The following MGA variants were observed in gnomAD, a reference collection of about 807,000 sequenced individuals.
MGA encodes MAX gene-associated protein.
Under a neutral mutation model 261.1 loss-of-function variants are expected in MGA, and 40 were observed. The observed-to-expected ratio is 0.15, with a 90% CI of 0.12 to 0.20. The LOEUF (loss-of-function observed/expected upper bound fraction) is 0.20, where lower values mean the gene tolerates loss of function less well. MGA is among the 10% of genes least tolerant of loss of function. MGA has a pLI of 1.00. For synonymous variants in MGA, 1,302 were observed against 1,290.6 expected, an observed-to-expected ratio of 1.01 and a Z score of -0.19; for missense variants, 3,397 against 3,630.5, an observed-to-expected ratio of 0.94 and a Z score of 1.65.
At chr15:41,703,251 C>T (rs2059937264) in intron 5 of MGA, among the ~76,000 whole-genome samples, 2 of 151,928 alleles carry the variant, frequency 1.3e-5, no homozygotes, top group South Asian at 4.1e-4. Context: ...AGATGTCCCT[C>T]AGTTGAGACT....
At chr15:41,721,257 C>A (rs1193937303) in intron 9 of MGA, among the ~76,000 whole-genome samples, 1 of 152,132 alleles carries the variant, frequency 6.6e-6, no homozygotes, top group Admixed American at 6.5e-5. Context: ...TACTTGTGGT[C>A]AGGAATTCGA....
intron 10 of MGA, 37 bp downstream of exon 10, chr15:41,727,443 A>T: frequency 6.4e-7 from 1 of 1,572,198 alleles, no homozygotes; most frequent in Non-Finnish European, 8.7e-7. Flanking sequence ...ACAAGTTACC[A>T]AAGTCATGTG....
chr15:41,712,200 G>T (rs2060419727), intron 8 of MGA, among the ~76,000 whole-genome samples: 1 of 152,000 alleles, frequency 6.6e-6, no homozygotes, highest in African/African-American at 2.4e-5. Context: ...GCAGCCTCTG[G>T]TGCATGTGAA....
intron 15 of MGA, among the ~76,000 whole-genome samples, chr15:41,744,715 G>C (rs891379398): frequency 1.3e-5 from 2 of 152,118 alleles, no homozygotes; most frequent in Non-Finnish European, 2.9e-5. Flanking sequence ...ATTCTTTCAT[G>C]AAACAATATA....
intron 1 of MGA, among the ~76,000 whole-genome samples, chr15:41,651,794 CT>C (rs2057062862): frequency 1.1e-4 from 1 of 9,392 alleles, no homozygotes; most frequent in Non-Finnish European, 3.3e-4. Flanking sequence ...CTCTTCTCTC[CT>C]CTCCCCCCCC....
At chr15:41,746,054 A>T (rs1034629473) in intron 15 of MGA, among the ~76,000 whole-genome samples, 2 of 152,162 alleles carry the variant, frequency 1.3e-5, no homozygotes, top group African/African-American at 2.4e-5. Context: ...TGCTTTTAAA[A>T]TTTGATTTTT....
At chr15:41,684,411 T>G (rs143164259) in intron 2 of MGA, 175 of 453,702 alleles carry the variant, frequency 3.9e-4, no homozygotes, top group Middle Eastern at 3.0e-3. Context: ...TTTGCCTAAT[T>G]TATTTGGATA....
At chr15:41,672,696 G>T (rs2058126899) in intron 2 of MGA, among the ~76,000 whole-genome samples, 1 of 152,104 alleles carries the variant, frequency 6.6e-6, no homozygotes, top group Non-Finnish European at 1.5e-5. Context: ...TTATTTTTAG[G>T]CAGGAGTTGG....
chr15:41,682,820 T>A (rs565862600), intron 2 of MGA, among the ~76,000 whole-genome samples: 22 of 152,308 alleles, frequency 1.4e-4, no homozygotes, highest in African/African-American at 5.3e-4. Flanking sequence ...TAAGCTGTCT[T>A]TACTGGTTTG....
At chr15:41,623,870 A>G (rs943729309) in intron 1 of MGA, among the ~76,000 whole-genome samples, 10 of 150,118 alleles carry the variant, frequency 6.7e-5, no homozygotes, top group South Asian at 2.1e-4. Flanking sequence ...GGTTCAAGCA[A>G]TTCTCCTGCC....
At position 41,742,691 on chromosome 15, in the gene MGA, C is replaced by T. The variant is rs778703493; in HGVS notation, c.4731C>T (p.Val1577=). Residue 1577 remains valine, a synonymous_variant, in exon 15 of 24, where the codon GTC becomes GTT. Transcript: ENST00000219905. ...GTATCAGACCTTCTCCAGTAATGGT[C>T]GTCACACCTGTGGTTTCTTCTGAGC... 2.4e-5 allele frequency: 39 copies of T among 1,613,864 alleles called. No homozygotes were observed. The South Asian group carries it at 3.0e-4, about 12-fold the overall frequency.
At chr15:41,752,556 T>G (rs984315042) in intron 17 of MGA, among the ~76,000 whole-genome samples, 1 of 147,510 alleles carries the variant, frequency 6.8e-6, no homozygotes, top group Non-Finnish European at 1.5e-5. Flanking sequence ...AAAGTTTTTT[T>G]TTTTTTTTTT....
At chr15:41,706,119 CCCAGCTACTTGGGAGG>C in intron 5 of MGA, among the ~76,000 whole-genome samples, 2 of 151,910 alleles carry the variant, frequency 1.3e-5, no homozygotes, top group African/African-American at 4.8e-5. Flanking sequence ...CGCCTGTAAT[CCCAGCTACTTGGGAGG>C]CTGAGGCAGG....
intron 19 of MGA, among the ~76,000 whole-genome samples, chr15:41,759,467 T>TA (rs1402107468): frequency 6.9e-6 from 1 of 145,476 alleles, no homozygotes; most frequent in Non-Finnish European, 1.5e-5. Context: ...TGTGTGTATT[T>TA]TTTTTTTTTT....
At position 41,695,992 on chromosome 15, in the gene MGA, A is replaced by G. The variant is rs533253311; in HGVS notation, c.1065-83A>G. 9.2e-5 allele frequency: 96 copies of G among 1,042,132 alleles called. No homozygotes were observed. In the East Asian group the frequency reaches 2.2e-3, roughly 24 times the overall value. The allele number at this position is 1,042,132 out of a possible 1,614,324, so 64.6% of individuals were successfully genotyped here. ...ATCTGATGTGTTACTTGGATTCCTA[A>G]CATCTTTTTTTTTTTTTCTCTTCAA... On this transcript the variant is annotated intron_variant, in intron 2 of 23. Coordinates refer to ENST00000219905, the MANE Select transcript of MGA (RefSeq NM_001164273.2).
At chr15:41,662,130 T>G (rs931851322) in intron 1 of MGA, among the ~76,000 whole-genome samples, 4 of 152,184 alleles carry the variant, frequency 2.6e-5, no homozygotes, top group Non-Finnish European at 5.9e-5. Flanking sequence ...CGCCAACGGT[T>G]GTTTCTAGCG....
At chr15:41,732,159 T>G (rs948756600) in intron 11 of MGA, among the ~76,000 whole-genome samples, 1 of 151,968 alleles carries the variant, frequency 6.6e-6, no homozygotes, top group Non-Finnish European at 1.5e-5. Flanking sequence ...CCTTTTTTTT[T>G]TTTTTTGGAG....
intron 2 of MGA, among the ~76,000 whole-genome samples, chr15:41,694,992 C>A (rs1595752664): frequency 3.3e-5 from 5 of 152,222 alleles, no homozygotes; most frequent in African/African-American, 1.2e-4. Context: ...TGCCCACAAT[C>A]CTTTGTTACA....
intron 2 of MGA, among the ~76,000 whole-genome samples, chr15:41,682,159 T>A (rs1201477874): frequency 6.6e-6 from 1 of 152,102 alleles, no homozygotes; most frequent in East Asian, 1.9e-4. Flanking sequence ...TCAGGTGATC[T>A]GCCTGCCTCA....
Sources: gnomAD v4.1 joint callset for allele counts (sites outside exome capture counted in the v4.1 genomes callset) on GRCh38, gnomAD v4.1.1 for gene constraint, MANE v1.5 for transcripts, NCBI Gene and HGNC (gene_info 2026-07-23, HGNC 2026-07-21) for gene names.